Variants in NUP42 observed in about 807,000 individuals in gnomAD.
NUP42 encodes nucleoporin 42, also known as nucleoporin NUP42.
Under a neutral mutation model 35.9 loss-of-function variants are expected in NUP42, and 47 were observed. That is an observed-to-expected ratio of 1.31 (90% confidence interval 1.04 to 1.67). The LOEUF (loss-of-function observed/expected upper bound fraction) is 1.67, where lower values mean the gene tolerates loss of function less well. NUP42 is among the 40% of genes most tolerant of loss of function. The pLI is 0.00. For synonymous variants in NUP42, 173 were observed against 173.3 expected (o/e 1.00, Z 0.01); for missense variants, 514 against 492.2 (o/e 1.04, Z -0.42).
chr7:23,191,609 A>G (rs886261505), intron 3 of NUP42, among the ~76,000 whole-genome samples: 28 of 152,248 alleles, frequency 1.8e-4, no homozygotes, highest in African/African-American at 6.5e-4. Context: ...GGAGTTAATA[A>G]TAACTGGATT....
rs1458705290 is a variant in NUP42 at position 23,199,601 on chromosome 7, T to C, written c.694+59T>C. The C allele has an allele frequency of 3.6e-6, 5 of 1,386,742 alleles. No homozygotes were observed. In the Admixed American group the frequency reaches 6.7e-5, roughly 19 times the overall value. The allele number at this position is 1,386,742 out of a possible 1,614,324, so 85.9% of individuals were successfully genotyped here. On this transcript the variant is annotated intron_variant, in intron 6 of 6. Transcript: ENST00000258742. ...TTAGAAAAATTAGATTTTATAGGTTTCAAATTACAAGCCTGAATCGCCATT... is the reference window on the plus strand; with the variant it reads ...TTAGAAAAATTAGATTTTATAGGTTCCAAATTACAAGCCTGAATCGCCATT...
At chr7:23,192,361 T>C (rs1306665194) in intron 3 of NUP42, among the ~76,000 whole-genome samples, 2 of 151,852 alleles carry the variant, frequency 1.3e-5, no homozygotes, top group Non-Finnish European at 2.9e-5. Flanking sequence ...CTGGCCAATG[T>C]GGTGAAACCC....
chr7:23,197,839 A>G (rs1202924983), intron 5 of NUP42, among the ~76,000 whole-genome samples: 2 of 147,400 alleles, frequency 1.4e-5, no homozygotes, highest in African/African-American at 2.5e-5. Context: ...AACCAGACCA[A>G]AAAAAAAAAA....
intron 3 of NUP42, among the ~76,000 whole-genome samples, chr7:23,190,025 A>G (rs1308129486): frequency 6.6e-6 from 1 of 152,226 alleles, no homozygotes; most frequent in Non-Finnish European, 1.5e-5. Flanking sequence ...TGATATTACA[A>G]AATTATGCAT....
At chr7:23,189,649 A>G (rs1167916927) in intron 3 of NUP42, among the ~76,000 whole-genome samples, 1 of 151,602 alleles carries the variant, frequency 6.6e-6, no homozygotes, top group Non-Finnish European at 1.5e-5. Flanking sequence ...ACGGTGGCTC[A>G]CACCTGTAAT....
intron 3 of NUP42, chr7:23,188,122 A>T (rs1785667120): frequency 7.4e-7 from 1 of 1,350,216 alleles, no homozygotes; most frequent in Non-Finnish European, 9.6e-7. Flanking sequence ...TTTTGAGGAA[A>T]CAGTGGGTAC....
rs111679964 is a variant in NUP42 at position 23,186,655 on chromosome 7, T to C, written c.351-397T>C. ...TGATGTTTGTGATAATTAACAAAGA[T>C]TAAAGTTAGTATTTTAGATTTTAAT... On this transcript the variant is annotated intron_variant, in intron 2 of 6. Coordinates refer to ENST00000258742, the MANE Select transcript of NUP42 (RefSeq NM_007342.3). 1.6e-4 allele frequency among the ~76,000 whole-genome samples: 25 copies of C among 152,324 alleles called. 1 individual carries two copies. The highest frequency in any genetic ancestry group is 6.0e-4 in the African/African-American group (25 of 41,580).
intron 3 of NUP42, among the ~76,000 whole-genome samples, chr7:23,191,523 A>G (rs1156965163): frequency 6.6e-6 from 1 of 152,214 alleles, no homozygotes; most frequent in Non-Finnish European, 1.5e-5. Context: ...AGGTCAGTAA[A>G]GATGGGGAAG....
intron 1 of NUP42, among the ~76,000 whole-genome samples, chr7:23,183,847 A>C (rs1295779017): frequency 1.3e-5 from 2 of 148,264 alleles, no homozygotes; most frequent in Non-Finnish European, 1.5e-5. Context: ...AGAAGATACC[A>C]TTAACTTCTA....
chr7:23,185,410 T>TA (rs1785557903), intron 2 of NUP42, 112 bp downstream of exon 2: 5 of 762,398 alleles, frequency 6.6e-6, no homozygotes, highest in Non-Finnish European at 8.3e-6. Flanking sequence ...ATATTTTCTT[T>TA]AAAAAAAGAA....
intron 3 of NUP42, among the ~76,000 whole-genome samples, chr7:23,193,336 G>GT (rs1785879579): frequency 6.6e-6 from 1 of 152,132 alleles, no homozygotes. Flanking sequence ...GTGCTGATTG[G>GT]TTCATTTTAC....
chr7:23,193,222 A>C (rs1785870153), intron 3 of NUP42, among the ~76,000 whole-genome samples: 1 of 152,210 alleles, frequency 6.6e-6, no homozygotes, highest in South Asian at 2.1e-4. Flanking sequence ...TATTGCAAAC[A>C]GCAAAAGAAC....
chr7:23,185,152 A>C lies in NUP42; in HGVS notation c.204A>C (p.Pro68=). The C allele has an allele frequency of 6.2e-7, 1 of 1,614,192 alleles. No individual in the cohort carries two copies. The highest frequency in any genetic ancestry group is 1.1e-5 in the South Asian group (1 of 91,086). ...IQPSSFSKST[P]WGGSRDQEKP... ...CATCCAGTTTCTCCAAATCCACACC[A>C]TGGGGGGGCAGCAGAGATCAAGAAA... The change falls in exon 2 of 7, where the codon CCA becomes CCC. Residue 68 remains proline (P), a synonymous_variant. Transcript: ENST00000258742.
chr7:23,185,179 G>A lies in NUP42; in HGVS notation c.231G>A (p.Lys77=). Reference sequence around the variant, plus strand: ...GGGGGGGCAGCAGAGATCAAGAAAAGCCATATTTCAGTTCTTTTGATTCTG... The same window carrying A: ...GGGGGGGCAGCAGAGATCAAGAAAAACCATATTTCAGTTCTTTTGATTCTG... ...TPWGGSRDQE[K]PYFSSFDSGA... Residue 77 remains lysine, a synonymous_variant, in exon 2 of 7, where the codon AAG becomes AAA. Transcript: ENST00000258742. The A allele has an allele frequency of 6.2e-7, 1 of 1,614,116 alleles. No homozygotes were observed. Among genetic ancestry groups the A allele is most frequent in the Non-Finnish European group, 8.5e-7 (1 of 1,180,000 alleles).
intron 6 of NUP42, 90 bp from the exon 7 acceptor site, chr7:23,200,078 G>C: frequency 1.0e-6 from 1 of 956,360 alleles, no homozygotes; most frequent in Non-Finnish European, 1.5e-6. Context: ...ACATAAATAA[G>C]AAAAAAAGAT....
At chr7:23,186,097 A>G (rs958038884) in intron 2 of NUP42, among the ~76,000 whole-genome samples, 1 of 152,198 alleles carries the variant, frequency 6.6e-6, no homozygotes, top group South Asian at 2.1e-4. Context: ...AACTGATCTC[A>G]TTTGATTTCC....
chr7:23,182,149 C>T lies in NUP42; in HGVS notation c.64C>T (p.His22Tyr). The T allele has an allele frequency of 6.2e-7, 1 of 1,614,180 alleles. No individual in the cohort carries two copies. The highest frequency in any genetic ancestry group is 8.5e-7 in the Non-Finnish European group (1 of 1,180,006). Residue 22 changes from histidine to tyrosine, a missense_variant, in exon 1 of 7, where the codon CAT (histidine) becomes TAT (tyrosine). His to Tyr is a moderately conservative substitution (Grantham distance 83, BLOSUM62 2). Transcript: ENST00000258742. Reference sequence around the variant, plus strand: ...CTTTGGAGATCGGTGCTGGAACGAACATCCCGGTGCTAGGGGTGCAGGAGG... The same window carrying T: ...CTTTGGAGATCGGTGCTGGAACGAATATCCCGGTGCTAGGGGTGCAGGAGG... The part of the protein sequence containing the change: ...CRFGDRCWNE[H>Y]PGARGAGGGR...
In NUP42 at chr7:23,195,804, T is replaced by C. The variant is rs77143233; in HGVS notation, c.446-35T>C. 6.3e-3 allele frequency: 8,828 copies of C among 1,397,668 alleles called. 458 individuals carry two copies. In the African/African-American group the frequency reaches 0.11, roughly 17 times the overall value. The allele number at this position is 1,397,668 out of a possible 1,614,324, so 86.6% of individuals were successfully genotyped here. On this transcript the variant is annotated intron_variant, in intron 3 of 6. Coordinates refer to ENST00000258742, the MANE Select transcript of NUP42 (RefSeq NM_007342.3). ...GCTTTACTATCAAAATTATTGGCAT[T>C]TATTTTAAAGATTCCGATTGATTCC...
intron 6 of NUP42, 122 bp from the exon 7 acceptor site, chr7:23,200,046 A>G (rs1323233080): frequency 1.4e-6 from 1 of 727,074 alleles, no homozygotes; most frequent in Non-Finnish European, 2.2e-6. Flanking sequence ...CCGTCCAGTA[A>G]GCTTCTCAAC....
Sources: allele counts gnomAD v4.1 joint callset (sites outside exome capture counted in the v4.1 genomes callset), GRCh38; gene constraint gnomAD v4.1.1; transcripts MANE v1.5; gene names NCBI Gene and HGNC (gene_info 2026-07-23, HGNC 2026-07-21).